The following NEK8 variants were observed in gnomAD, a reference collection of about 807,000 sequenced individuals.
The protein encoded by NEK8 is serine/threonine-protein kinase Nek8.
A neutral mutation model predicts 77.2 loss-of-function variants in NEK8; 51 were observed. That is an observed-to-expected ratio of 0.66 (90% CI 0.53 to 0.83). The LOEUF (loss-of-function observed/expected upper bound fraction) is 0.83. NEK8 is among the 40% of genes least tolerant of loss of function. The probability of loss-of-function intolerance (pLI) is 0.00; values close to 1 mark genes in which losing one functional copy is unlikely to be tolerated. For synonymous variants in NEK8, 365 were observed against 363.2 expected, an observed-to-expected ratio of 1.00 and a Z score of -0.06; for missense variants, 787 against 909.2, an observed-to-expected ratio of 0.87 and a Z score of 1.73.
In NEK8 at chr17:28,738,227, T is replaced by C. The variant is rs1469214574; in HGVS notation, c.1204T>C (p.Phe402Leu). The change falls in exon 8 of 15, where the codon TTC (phenylalanine) becomes CTC (leucine). Residue 402 changes from phenylalanine to leucine, a missense_variant. Phe to Leu is a conservative substitution (Grantham distance 22). Coordinates refer to ENST00000268766, the MANE Select transcript of NEK8 (RefSeq NM_178170.3). ...TIKHVACGDF[F>L]TACLTDRGII... ...CAAGCACGTGGCCTGTGGGGACTTC[T>C]TCACTGCCTGCCTGACTGGTGAGTT... The C allele has an allele frequency of 1.2e-6, 2 of 1,614,128 alleles. No individual in the cohort carries two copies.
chr17:28,742,413 G>A lies in NEK8; in HGVS notation c.*426G>A, dbSNP rs956671336. Reference sequence around the variant, plus strand: ...TCGAGACCATCCTGGCTAACGTGGTGAAACCCCATCTCTACTAAAAATACA... The same window carrying A: ...TCGAGACCATCCTGGCTAACGTGGTAAAACCCCATCTCTACTAAAAATACA... On this transcript the variant is annotated 3_prime_UTR_variant, in exon 15 of 15. Transcript: ENST00000268766. 3 of 284,886 alleles carry A rather than the reference G, an allele frequency of 1.1e-5. No individual in the cohort carries two copies. Among genetic ancestry groups the A allele is most frequent in the African/African-American group, 6.6e-5 (3 of 45,758 alleles). The allele number at this position is 284,886 out of a possible 1,614,324, so 17.6% of individuals were successfully genotyped here. A position where few individuals can be genotyped will look rare whatever the true frequency, so the allele number is the denominator to read the frequency against.
chr17:28,738,890 A>G (rs1420618539), intron 9 of NEK8, 143 bp downstream of exon 9: 1 of 822,262 alleles, frequency 1.2e-6, no homozygotes, highest in Non-Finnish European at 2.1e-6. Context: ...GCTCTGGGCC[A>G]CCTACATCGG....
chr17:28,728,896 G>T (rs1378516527), intron 1 of NEK8, 36 bp downstream of exon 1: 3 of 1,532,552 alleles, frequency 2.0e-6, no homozygotes, highest in African/African-American at 2.8e-5. Flanking sequence ...ACTGCTAGGG[G>T]ATAGGGAAAA....
chr17:28,738,596 C>A, intron 8 of NEK8, 75 bp from the exon 9 acceptor site: 1 of 1,343,370 alleles, frequency 7.4e-7, no homozygotes, highest in Non-Finnish European at 1.1e-6. Context: ...TGCTGCAACC[C>A]ACTGGAGGAC....
At chr17:28,734,720 G>T in intron 2 of NEK8, 52 bp from the exon 3 acceptor site, 2 of 1,267,404 alleles carry the variant, frequency 1.6e-6, no homozygotes, top group Non-Finnish European at 2.3e-6. Context: ...ATGGAGAGGG[G>T]TTGTCGTAGG....
rs1422170748 is a variant in NEK8 at position 28,743,086 on chromosome 17, A to G, written c.*1099A>G. 1.0e-5 allele frequency: 1 copy of G among 99,694 alleles called. No individual in the cohort carries two copies. The highest frequency in any genetic ancestry group is 2.3e-5 in the Non-Finnish European group (1 of 43,758). The allele number at this position is 99,694 out of a possible 1,614,324, so 6.2% of individuals were successfully genotyped here. On this transcript the variant is annotated 3_prime_UTR_variant, in exon 15 of 15. Transcript: ENST00000268766. ...AGTCTCCCTCTCAAAAAAAAAAAAA[A>G]AAAAAAAAAAAAAAAAGTATTTGGT...
At chr17:28,736,200 G>A (rs2034364197) in intron 4 of NEK8, among the ~76,000 whole-genome samples, 1 of 152,142 alleles carries the variant, frequency 6.6e-6, no homozygotes, top group Non-Finnish European at 1.5e-5. Context: ...TTGGTTCCAA[G>A]TCTTTGCTAT....
chr17:28,741,193 A>G lies in NEK8; in HGVS notation c.1848A>G (p.Ala616=). 1 of 1,613,136 alleles carries G rather than the reference A, an allele frequency of 6.2e-7. No individual in the cohort carries two copies. The highest frequency in any genetic ancestry group is 8.5e-7 in the Non-Finnish European group (1 of 1,179,532). The change falls in exon 13 of 15, where the codon GCA becomes GCG. Residue 616 remains alanine (A), a synonymous_variant. Transcript: ENST00000268766. The surrounding 1 kb of genome is among the most constrained non-coding windows in gnomAD (Gnocchi z 4.5). ...AAGGCCTTGAGGGCATCAAGATGGC[A>G]ATGGTAGCCTGTGGGGATGCCTTCA... The part of the protein sequence containing the change: ...KVQGLEGIKM[A]MVACGDAFTV...
Position 28,733,963 on chromosome 17 carries a change from C to T in NEK8, c.48-20C>T, listed in dbSNP as rs1233797221. Reference sequence around the variant, plus strand: ...CTGGAGGCTTAGCTGGTAACCTGTCCCTGTCCTCCGTATCCCTAGGATTGT... The same window carrying T: ...CTGGAGGCTTAGCTGGTAACCTGTCTCTGTCCTCCGTATCCCTAGGATTGT... On this transcript the variant is annotated intron_variant, in intron 1 of 14. Coordinates refer to ENST00000268766, the MANE Select transcript of NEK8 (RefSeq NM_178170.3). 6.2e-7 allele frequency: 1 copy of T among 1,611,268 alleles called. No individual in the cohort carries two copies. The highest frequency in any genetic ancestry group is 1.3e-5 in the African/African-American group (1 of 74,886).
rs1887162570 is a variant in NEK8 at position 28,734,559 on chromosome 17, C to T, written c.254-213C>T. On this transcript the variant is annotated intron_variant, in intron 2 of 14. Transcript: ENST00000268766. Reference sequence around the variant, plus strand: ...ATTAGCCGGGTGTGGTGGCAGGCACCTGTAGTCCCAGCTACTAAGGAGGCT... The same window carrying T: ...ATTAGCCGGGTGTGGTGGCAGGCACTTGTAGTCCCAGCTACTAAGGAGGCT... 1.2e-5 allele frequency: 7 copies of T among 594,030 alleles called. No individual in the cohort carries two copies. In the Admixed American group the frequency reaches 2.1e-4, roughly 18 times the overall value. 36.8% of individuals were successfully genotyped at this position (594,030 alleles called of 1,614,324 possible).
Position 28,735,374 on chromosome 17 carries a change from G to A in NEK8, c.618+3G>A. 1.2e-6 allele frequency: 2 copies of A among 1,613,224 alleles called. No homozygotes were observed. Among genetic ancestry groups the A allele is most frequent in the African/African-American group, 1.3e-5 (1 of 75,052 alleles). ...TCAAGAGGGCTTTCGAGGCTGCGGT[G>A]AGTGTATGCACCCTCCAGGGGACAA... On this transcript the variant is annotated splice_donor_region_variant and intron_variant, in intron 4 of 14. Transcript: ENST00000268766.
rs1001876571 is a variant in NEK8, at chr17:28,737,207, T to C, written c.619-99T>C. The C allele has an allele frequency of 2.4e-6, 3 of 1,248,392 alleles. No homozygotes were observed. The highest frequency in any genetic ancestry group is 2.0e-5 in the Admixed American group (1 of 50,654). 77.3% of individuals were successfully genotyped at this position (1,248,392 alleles called of 1,614,324 possible). A position where few individuals can be genotyped will look rare whatever the true frequency, so the allele number is the denominator to read the frequency against. On this transcript the variant is annotated intron_variant, in intron 4 of 14. Transcript: ENST00000268766. The surrounding 1 kb of genome is among the most constrained non-coding windows in gnomAD (Gnocchi z 4.8). The stretch of plus-strand genomic sequence containing the variant: ...TATAGTTTGAAGTCAGGTAGCATGA[T>C]GCCTCCAGGCAAAGCTGTTATTATC...
At position 28,740,749 on chromosome 17, in the gene NEK8, ATCTG is replaced by A; in HGVS notation, c.1569-69_1569-66del. 6.3e-7 allele frequency: 1 copy of A among 1,593,378 alleles called. No individual in the cohort carries two copies. The highest frequency in any genetic ancestry group is 8.6e-7 in the Non-Finnish European group (1 of 1,163,020). On this transcript the variant is annotated intron_variant, in intron 11 of 14. Coordinates refer to ENST00000268766, the MANE Select transcript of NEK8 (RefSeq NM_178170.3). The surrounding 1 kb of genome is among the most constrained non-coding windows in gnomAD (Gnocchi z 4.7). ...TGCTATTGGTTCAACCCAGGGTGGGATCTGTCTCCTGGTGCACCAGCTCCTGCCC... is the reference window on the plus strand; with the variant it reads ...TGCTATTGGTTCAACCCAGGGTGGGATCTCCTGGTGCACCAGCTCCTGCCC...
Position 28,741,129 on chromosome 17 carries a change from C to T in NEK8, c.1784C>T (p.Thr595Ile), listed in dbSNP as rs1466362830. Residue 595 changes from threonine (T) to isoleucine (I), a missense_variant, in exon 13 of 15, where the codon ACC (threonine) becomes ATC (isoleucine). By Grantham distance (89) the Thr-to-Ile change is moderately conservative. This residue lies in a region of NEK8 where 516 missense variants were observed against 544.0 expected (regional missense o/e 0.95). Coordinates refer to ENST00000268766, the MANE Select transcript of NEK8 (RefSeq NM_178170.3). This position sits in a 1 kb window ranked among gnomAD's most constrained non-coding sequence, Gnocchi z 4.5. ...AGCAATCAGCACGGACAGTTGGGCA[C>T]CAATACTCGCCGAGGCAGTCGGGCA... The part of the protein sequence containing the change: ...FGSNQHGQLG[T>I]NTRRGSRAPC... The T allele has an allele frequency of 1.9e-6, 3 of 1,614,160 alleles. No homozygotes were observed. Among genetic ancestry groups the T allele is most frequent in the South Asian group, 1.1e-5 (1 of 91,084 alleles).
Position 28,736,045 on chromosome 17 carries a change from C to T in NEK8, c.618+674C>T, listed in dbSNP as rs189187610. On this transcript the variant is annotated intron_variant, in intron 4 of 14. Transcript: ENST00000268766. Reference sequence around the variant, plus strand: ...TGCGGTGTTTGGTTTTTTGTCCTTGCGATAGTTTGCTGAGAATGATGGTTT... The same window carrying T: ...TGCGGTGTTTGGTTTTTTGTCCTTGTGATAGTTTGCTGAGAATGATGGTTT... Among the ~76,000 whole-genome samples, 789 of 150,420 alleles carry T rather than the reference C, an allele frequency of 5.2e-3. 6 individuals carry two copies. The highest frequency in any genetic ancestry group is 8.7e-3 in the Admixed American group (130 of 14,878).
chr17:28,741,024 C>G lies in NEK8; in HGVS notation c.1732+39C>G, dbSNP rs1312723301. Reference sequence around the variant, plus strand: ...GGGCTCTGGAGGTCAGAGGGGGACTCACGGTCTCCTTGGTACCCTGTTGAA... The same window carrying G: ...GGGCTCTGGAGGTCAGAGGGGGACTGACGGTCTCCTTGGTACCCTGTTGAA... On this transcript the variant is annotated intron_variant, in intron 12 of 14. Coordinates refer to ENST00000268766, the MANE Select transcript of NEK8 (RefSeq NM_178170.3). The surrounding 1 kb of genome is among the most constrained non-coding windows in gnomAD (Gnocchi z 4.5). 1 of 1,614,110 alleles carries G rather than the reference C, an allele frequency of 6.2e-7. No individual in the cohort carries two copies. Among genetic ancestry groups the G allele is most frequent in the Non-Finnish European group, 8.5e-7 (1 of 1,179,974 alleles).
Position 28,738,085 on chromosome 17 carries a change from G to A in NEK8, c.1072-10G>A, listed in dbSNP as rs1426043694. ...GTGCTCAGGCGCTGCCCATCCCCCT[G>A]CCCCTGCAGGCCCCACCCCTAGGTG... On this transcript the variant is annotated splice_polypyrimidine_tract_variant and intron_variant, in intron 7 of 14. Transcript: ENST00000268766. 2 of 1,612,930 alleles carry A rather than the reference G, an allele frequency of 1.2e-6. No homozygotes were observed. Among genetic ancestry groups the A allele is most frequent in the African/African-American group, 1.3e-5 (1 of 75,020 alleles).
rs775734501 is a variant in NEK8, at chr17:28,737,523, A to G, written c.827+9A>G. 2 of 1,612,962 alleles carry G rather than the reference A, an allele frequency of 1.2e-6. No homozygotes were observed. The highest frequency in any genetic ancestry group is 2.2e-5 in the East Asian group (1 of 44,858). On this transcript the variant is annotated intron_variant, in intron 5 of 14. Coordinates refer to ENST00000268766, the MANE Select transcript of NEK8 (RefSeq NM_178170.3). This position sits in a 1 kb window ranked among gnomAD's most constrained non-coding sequence, Gnocchi z 4.8. ...AGTGTCCGCATGCGGAGGCCTGTGC[A>G]GGGACAGCGAGCGGTCCTGGGCGGC... is the stretch of plus-strand genomic sequence containing the variant.
rs1390777599 is a variant in NEK8, at chr17:28,742,690, G to A, written c.*703G>A. ...CCTGCATAGGCAGTGCTTTGGCCAGGAGGATCCCTTGATCCCTTGTGGCCA... is the reference window on the plus strand; with the variant it reads ...CCTGCATAGGCAGTGCTTTGGCCAGAAGGATCCCTTGATCCCTTGTGGCCA... On this transcript the variant is annotated 3_prime_UTR_variant, in exon 15 of 15. Coordinates refer to ENST00000268766, the MANE Select transcript of NEK8 (RefSeq NM_178170.3). 1 of 153,694 alleles carries A rather than the reference G, an allele frequency of 6.5e-6. No individual in the cohort carries two copies. The highest frequency in any genetic ancestry group is 2.4e-5 in the African/African-American group (1 of 41,380). 9.5% of individuals were successfully genotyped at this position (153,694 alleles called of 1,614,324 possible).
Sources: gnomAD v4.1 joint callset for allele counts (sites outside exome capture counted in the v4.1 genomes callset) on GRCh38, gnomAD v4.1.1 for gene constraint, gnomAD v4.1.1 regional missense constraint, Gnocchi (gnomAD v3.1) non-coding constraint, MANE v1.5 for transcripts, NCBI Gene and HGNC (gene_info 2026-07-23, HGNC 2026-07-21) for gene names.